Variants in ZNF704 observed in about 807,000 individuals in gnomAD.
The protein encoded by ZNF704 is zinc finger protein 704.
ZNF704 carries 10 observed loss-of-function variants against 44.7 expected under a neutral mutation model. The ratio of observed to expected loss-of-function variants is 0.22; its 90% CI spans 0.14 to 0.38. The LOEUF is 0.38. ZNF704 is among the 10% of genes least tolerant of loss of function. The pLI is 1.00. For synonymous variants in ZNF704, 211 were observed against 207.6 expected (o/e 1.02, Z -0.14); for missense variants, 390 against 545.5 (o/e 0.71, Z 2.84).
At chr8:80,688,290 G>C (rs1670098448) in intron 3 of ZNF704, among the ~76,000 whole-genome samples, 1 of 152,152 alleles carries the variant, frequency 6.6e-6, no homozygotes, top group Non-Finnish European at 1.5e-5. Context: ...TAACACTTAA[G>C]AATCTAAGAG....
At chr8:80,810,138 C>T (rs569172171) in intron 2 of ZNF704, among the ~76,000 whole-genome samples, 3 of 152,324 alleles carry the variant, frequency 2.0e-5, no homozygotes, top group South Asian at 2.1e-4. Flanking sequence ...CTTGTATACA[C>T]TCCCTAGCTC....
At chr8:80,820,479 A>G (rs1232113233) in intron 2 of ZNF704, among the ~76,000 whole-genome samples, 1 of 152,188 alleles carries the variant, frequency 6.6e-6, no homozygotes, top group African/African-American at 2.4e-5. Context: ...AAGTAGATCT[A>G]TCATACAAAG....
intron 4 of ZNF704, among the ~76,000 whole-genome samples, chr8:80,682,628 C>T (rs932975550): frequency 2.9e-5 from 4 of 137,310 alleles, no homozygotes; most frequent in Non-Finnish European, 5.1e-5. Flanking sequence ...GGCATTGGCA[C>T]GGTCAGTGTG....
chr8:80,669,483 G>A (rs1348456785), intron 5 of ZNF704, among the ~76,000 whole-genome samples: 1 of 152,194 alleles, frequency 6.6e-6, no homozygotes, highest in Non-Finnish European at 1.5e-5. Context: ...CATCAGCCTG[G>A]ATGATTAGAG....
rs1219071919 is a variant in ZNF704 at position 80,633,936 on chromosome 8, TTTGAGG to T, written c.*7424_*7429del. ...GGTTTTGTATGTGGAAAAACCTCCTTTTGAGGTTAGTGGACACTCTGAAATAGCCTA... is the reference window on the plus strand; with the variant it reads ...GGTTTTGTATGTGGAAAAACCTCCTTTTAGTGGACACTCTGAAATAGCCTA... On this transcript the variant is annotated 3_prime_UTR_variant, in exon 9 of 9. Coordinates refer to ENST00000327835, the MANE Select transcript of ZNF704 (RefSeq NM_001033723.3). 6.6e-6 allele frequency: 1 copy of T among 152,166 alleles called. No individual in the cohort carries two copies. 9.4% of individuals were successfully genotyped at this position (152,166 alleles called of 1,614,324 possible). A position where few individuals can be genotyped will look rare whatever the true frequency, so the allele number is the denominator to read the frequency against.
At chr8:80,858,133 C>T (rs749237311) in intron 1 of ZNF704, among the ~76,000 whole-genome samples, 99 of 152,146 alleles carry the variant, frequency 6.5e-4, no homozygotes, top group Non-Finnish European at 1.9e-4. Context: ...CATTCCTGAA[C>T]TGGCAATCTG....
At chr8:80,650,451 C>G (rs1326782497) in intron 7 of ZNF704, among the ~76,000 whole-genome samples, 4 of 152,110 alleles carry the variant, frequency 2.6e-5, no homozygotes, top group Non-Finnish European at 5.9e-5. Context: ...CCAGAATAAC[C>G]AATGCAGAGA....
At chr8:80,823,955 A>G (rs546871308) in intron 1 of ZNF704, among the ~76,000 whole-genome samples, 1 of 152,306 alleles carries the variant, frequency 6.6e-6, no homozygotes, top group South Asian at 2.1e-4. Context: ...GTAGATAAAA[A>G]CCACAAAGGT....
At chr8:80,872,656 G>A (rs1809272586) in intron 1 of ZNF704, among the ~76,000 whole-genome samples, 1 of 152,120 alleles carries the variant, frequency 6.6e-6, no homozygotes, top group African/African-American at 2.4e-5. Flanking sequence ...GAATCTCAAC[G>A]TGGTTTGCTT....
At chr8:80,673,031 T>C (rs1157391562) in intron 4 of ZNF704, among the ~76,000 whole-genome samples, 1 of 152,152 alleles carries the variant, frequency 6.6e-6, no homozygotes. Flanking sequence ...TTTAAAGTAG[T>C]GTTATGAATA....
Position 80,693,041 on chromosome 8 carries a change from A to G in ZNF704, c.288T>C (p.Thr96=), listed in dbSNP as rs1289508419. The change falls in exon 3 of 9, where the codon ACT becomes ACC. Residue 96 remains threonine (T), a synonymous_variant. Coordinates refer to ENST00000327835, the MANE Select transcript of ZNF704 (RefSeq NM_001033723.3). ...CGGGAGGACTTCGAACCAAAGGGCT[A>G]GTCGACAAGCTGGTTAGTACCATTG... is the stretch of plus-strand genomic sequence containing the variant. The part of the protein sequence containing the change: ...TAAMVLTSLS[T]SPLVRSPPVR... The G allele has an allele frequency of 1.2e-6, 2 of 1,614,186 alleles. No homozygotes were observed. The highest frequency in any genetic ancestry group is 2.2e-5 in the South Asian group (2 of 91,066).
intron 2 of ZNF704, among the ~76,000 whole-genome samples, chr8:80,785,456 T>C (rs937057249): frequency 1.3e-5 from 2 of 152,220 alleles, no homozygotes; most frequent in African/African-American, 4.8e-5. Context: ...TTCCTTGAGG[T>C]GGGAGTATCG....
intron 1 of ZNF704, among the ~76,000 whole-genome samples, chr8:80,826,173 A>T (rs1808370978): frequency 6.6e-6 from 1 of 152,228 alleles, no homozygotes; most frequent in South Asian, 2.1e-4. Flanking sequence ...AAATTGATAG[A>T]CCACTAGCAA....
chr8:80,787,571 A>T (rs990772876), intron 2 of ZNF704, among the ~76,000 whole-genome samples: 2 of 152,200 alleles, frequency 1.3e-5, no homozygotes, highest in African/African-American at 4.8e-5. Context: ...AAATGAAAAA[A>T]ATATATTTCA....
chr8:80,742,241 AC>A (rs1193460935), intron 2 of ZNF704, among the ~76,000 whole-genome samples: 14 of 152,070 alleles, frequency 9.2e-5, no homozygotes, highest in Admixed American at 8.5e-4. Flanking sequence ...TTATAGAAGG[AC>A]CCCTCTTATG....
At chr8:80,654,304 C>CA (rs1398391174) in intron 7 of ZNF704, among the ~76,000 whole-genome samples, 29 of 152,174 alleles carry the variant, frequency 1.9e-4, no homozygotes, top group African/African-American at 7.0e-4. Context: ...TCTAAAACAC[C>CA]AAAAGCAATG....
intron 1 of ZNF704, among the ~76,000 whole-genome samples, chr8:80,870,019 TC>T (rs2130071363): frequency 6.6e-6 from 1 of 152,230 alleles, no homozygotes; most frequent in African/African-American, 2.4e-5. Context: ...CTGCCAACAA[TC>T]TATGTAAGCT....
the ZNF704 span, among the ~76,000 whole-genome samples, chr8:80,882,901 A>AATTAATAAC: frequency 3.9e-5 from 6 of 151,938 alleles, no homozygotes; most frequent in Non-Finnish European, 7.4e-5. Flanking sequence ...TCTGTATTTT[A>AATTAATAAC]ATTAATAACC....
At chr8:80,684,691 C>T (rs1327221856) in intron 4 of ZNF704, among the ~76,000 whole-genome samples, 2 of 152,180 alleles carry the variant, frequency 1.3e-5, no homozygotes, top group African/African-American at 2.4e-5. Flanking sequence ...TGTTCTGTCA[C>T]ATCACGAACA....
Sources: gnomAD v4.1 joint callset for allele counts (sites outside exome capture counted in the v4.1 genomes callset) on GRCh38, gnomAD v4.1.1 for gene constraint, MANE v1.5 for transcripts, NCBI Gene and HGNC (gene_info 2026-07-23, HGNC 2026-07-21) for gene names.